Variants in GALNT13 observed in about 807,000 individuals in gnomAD.
The protein encoded by GALNT13 is polypeptide N-acetylgalactosaminyltransferase 13, also known as UDP-GalNAc:polypeptide N-acetylgalactosaminyltransferase 13.
GALNT13 carries 28 observed loss-of-function variants against 64.2 expected under a neutral mutation model. The ratio of observed to expected loss-of-function variants is 0.44; its 90% CI spans 0.32 to 0.60. The LOEUF (loss-of-function observed/expected upper bound fraction) is 0.60, where lower values mean the gene tolerates loss of function less well. GALNT13 is among the 20% of genes least tolerant of loss of function. GALNT13 has a pLI of 0.05. For missense variants in GALNT13, 577 were observed against 669.8 expected, an observed-to-expected ratio of 0.86 and a Z score of 1.53; for synonymous variants, 214 against 224.6, an observed-to-expected ratio of 0.95 and a Z score of 0.42.
intron 4 of GALNT13, among the ~76,000 whole-genome samples, chr2:154,162,091 T>C (rs950431122): frequency 2.6e-5 from 4 of 152,182 alleles, no homozygotes; most frequent in Non-Finnish European, 5.9e-5. Context: ...CAAGTGTATT[T>C]TTTTCTTTTG....
chr2:154,317,682 T>C (rs1337342588), intron 9 of GALNT13, among the ~76,000 whole-genome samples: 2 of 152,140 alleles, frequency 1.3e-5, no homozygotes, highest in African/African-American at 4.8e-5. Flanking sequence ...TACATCCCTG[T>C]TTCCCTGGGA....
chr2:153,993,283 C>G (rs1695286091), intron 3 of GALNT13, among the ~76,000 whole-genome samples: 1 of 151,772 alleles, frequency 6.6e-6, no homozygotes, highest in African/African-American at 2.4e-5. Context: ...TAGATGTGTA[C>G]AAATAAAGTG....
the GALNT13 span, among the ~76,000 whole-genome samples, chr2:153,287,785 G>T: frequency 6.6e-6 from 1 of 152,140 alleles, no homozygotes; most frequent in Non-Finnish European, 1.5e-5. Flanking sequence ...CTGTGTTTCT[G>T]TAAGCACAGG....
chr2:154,306,076 C>T (rs1415693222), intron 9 of GALNT13, among the ~76,000 whole-genome samples: 3 of 152,142 alleles, frequency 2.0e-5, no homozygotes. Context: ...TCCCACCTCT[C>T]TGATCCAGCC....
chr2:153,810,729 G>A, the GALNT13 span, among the ~76,000 whole-genome samples: 1 of 152,178 alleles, frequency 6.6e-6, no homozygotes, highest in South Asian at 2.1e-4. Context: ...TGGCCTTAGA[G>A]AGTGGTAGTC....
chr2:153,115,955 A>G, the GALNT13 span, among the ~76,000 whole-genome samples: 4 of 152,168 alleles, frequency 2.6e-5, no homozygotes, highest in Admixed American at 6.5e-5. Context: ...TTTTATTTTT[A>G]ATGAAAAATT....
the GALNT13 span, among the ~76,000 whole-genome samples, chr2:153,435,358 C>A: frequency 1.3e-5 from 2 of 152,040 alleles, no homozygotes; most frequent in African/African-American, 4.8e-5. Context: ...TTTTCCAATT[C>A]TGTGAAGAAA....
chr2:153,651,237 T>C, the GALNT13 span, among the ~76,000 whole-genome samples: 1 of 152,142 alleles, frequency 6.6e-6, no homozygotes, highest in Admixed American at 6.6e-5. Flanking sequence ...AACAAGAGTC[T>C]AGAGAATTGA....
chr2:153,535,082 TA>T, the GALNT13 span, among the ~76,000 whole-genome samples: 5 of 151,886 alleles, frequency 3.3e-5, no homozygotes, highest in East Asian at 1.9e-4. Flanking sequence ...CAGGCGGGAT[TA>T]GGGGCGGCGT....
intron 9 of GALNT13, among the ~76,000 whole-genome samples, chr2:154,312,735 T>C (rs1206219850): frequency 6.6e-6 from 1 of 152,178 alleles, no homozygotes; most frequent in African/African-American, 2.4e-5. Context: ...TAGGCTTGAG[T>C]TGAACAAAAT....
At chr2:153,781,699 T>TA in the GALNT13 span, among the ~76,000 whole-genome samples, 660 of 149,176 alleles carry the variant, frequency 4.4e-3, 10 homozygotes, top group African/African-American at 0.015. Flanking sequence ...TCTTTGAGTT[T>TA]AAAAAAAAAA....
chr2:153,997,509 T>G (rs1558897671), intron 3 of GALNT13, among the ~76,000 whole-genome samples: 1 of 152,080 alleles, frequency 6.6e-6, no homozygotes, highest in Non-Finnish European at 1.5e-5. Flanking sequence ...CTTCTAGATT[T>G]TCTGTGTTTA....
the GALNT13 span, among the ~76,000 whole-genome samples, chr2:153,671,692 C>T: frequency 3.3e-5 from 5 of 152,260 alleles, no homozygotes; most frequent in East Asian, 5.8e-4. Flanking sequence ...ATCAAATTCA[C>T]ACATAACAAT....
chr2:153,800,081 T>TCC, the GALNT13 span, among the ~76,000 whole-genome samples: 4 of 140,944 alleles, frequency 2.8e-5, no homozygotes, highest in Non-Finnish European at 6.1e-5. Flanking sequence ...TCTCTCTCTC[T>TCC]CTCCACCCCC....
intron 9 of GALNT13, among the ~76,000 whole-genome samples, chr2:154,346,816 C>A (rs1260783017): frequency 6.6e-6 from 1 of 152,048 alleles, no homozygotes; most frequent in Non-Finnish European, 1.5e-5. Context: ...GTATTTACTG[C>A]CTAATGTCAC....
At chr2:154,186,465 T>C (rs1686258187) in intron 4 of GALNT13, among the ~76,000 whole-genome samples, 1 of 152,098 alleles carries the variant, frequency 6.6e-6, no homozygotes, top group Non-Finnish European at 1.5e-5. Context: ...TTATTTTTAC[T>C]GGGAGGTGAA....
chr2:154,178,678 A>C (rs979767861), intron 4 of GALNT13, among the ~76,000 whole-genome samples: 2 of 152,124 alleles, frequency 1.3e-5, no homozygotes, highest in African/African-American at 4.8e-5. Context: ...TCACTCTTCC[A>C]GTTCCATTGT....
intron 1 of GALNT13, among the ~76,000 whole-genome samples, chr2:153,879,343 A>G (rs1321597958): frequency 2.0e-5 from 3 of 147,558 alleles, no homozygotes; most frequent in Non-Finnish European, 3.0e-5. Context: ...TGATAAAATA[A>G]TTAAAACTAC....
the GALNT13 span, among the ~76,000 whole-genome samples, chr2:153,863,181 T>C: frequency 6.6e-6 from 1 of 152,320 alleles, no homozygotes; most frequent in East Asian, 1.9e-4. Context: ...TTAAGTTTTG[T>C]TTAGTACATT....
Sources: gnomAD v4.1 joint callset for allele counts (sites outside exome capture counted in the v4.1 genomes callset) on GRCh38, gnomAD v4.1.1 for gene constraint, MANE v1.5 for transcripts, NCBI Gene and HGNC (gene_info 2026-07-23, HGNC 2026-07-21) for gene names.